SORBS2: variants seen among roughly 807,000 people sequenced by gnomAD.
SORBS2 encodes the protein sorbin and SH3 domain containing 2.
SORBS2 carries 46 observed loss-of-function variants against 97.7 expected under a neutral mutation model. The observed-to-expected ratio is 0.47, with a 90% confidence interval of 0.37 to 0.60. The LOEUF (loss-of-function observed/expected upper bound fraction) is 0.60, where lower values mean the gene tolerates loss of function less well. Among genes scored for constraint, SORBS2 ranks in the 20% least tolerant of loss-of-function variants. The pLI is 0.00. For missense variants in SORBS2, 1,316 were observed against 1,282.3 expected (o/e 1.03, Z -0.40); for synonymous variants, 476 against 473.4 (o/e 1.01, Z -0.07).
intron 1 of SORBS2, among the ~76,000 whole-genome samples, chr4:185,832,586 A>G (rs556968698): frequency 3.9e-5 from 6 of 152,372 alleles, no homozygotes; most frequent in African/African-American, 1.4e-4. Context: ...GTGATAGCTG[A>G]TGAAACAGAA....
At chr4:185,718,070 C>T (rs1379915109) in intron 2 of SORBS2, among the ~76,000 whole-genome samples, 2 of 151,888 alleles carry the variant, frequency 1.3e-5, no homozygotes. Context: ...ATCTCTACTA[C>T]AAATACAAAA....
intron 1 of SORBS2, among the ~76,000 whole-genome samples, chr4:185,892,657 G>A (rs1381102840): frequency 6.6e-6 from 1 of 152,208 alleles, no homozygotes. Context: ...GCATGGTGAA[G>A]TAAGCCAGAC....
chr4:185,950,198 G>C (rs1220588715), intron 1 of SORBS2, among the ~76,000 whole-genome samples: 1 of 151,508 alleles, frequency 6.6e-6, no homozygotes, highest in Non-Finnish European at 1.5e-5. Flanking sequence ...GTTGCAGCGA[G>C]CCGAGATTGT....
chr4:185,653,214 A>T (rs540461195), intron 1 of SORBS2, among the ~76,000 whole-genome samples: 1 of 152,234 alleles, frequency 6.6e-6, no homozygotes, highest in Non-Finnish European at 1.5e-5. Context: ...TAAATTTGCT[A>T]TTTACTAGTC....
At chr4:185,822,966 A>G (rs2099197675) in intron 1 of SORBS2, among the ~76,000 whole-genome samples, 2 of 152,252 alleles carry the variant, frequency 1.3e-5, no homozygotes, top group Non-Finnish European at 2.9e-5. Flanking sequence ...GTCATGCAGG[A>G]AGCTGCCTTT....
intron 1 of SORBS2, among the ~76,000 whole-genome samples, chr4:185,848,179 CT>C (rs1275939920): frequency 6.6e-6 from 1 of 152,116 alleles, no homozygotes; most frequent in Non-Finnish European, 1.5e-5. Flanking sequence ...GCGGTGATGA[CT>C]TTTTCATAAA....
chr4:185,797,974 A>G (rs2099113469), intron 1 of SORBS2, among the ~76,000 whole-genome samples: 1 of 152,184 alleles, frequency 6.6e-6, no homozygotes, highest in African/African-American at 2.4e-5. Context: ...GGCACTTGTG[A>G]TGCTGCGGGA....
At chr4:185,896,892 CAA>C (rs70962602) in intron 1 of SORBS2, among the ~76,000 whole-genome samples, 140 of 109,758 alleles carry the variant, frequency 1.3e-3, no homozygotes, top group East Asian at 1.5e-3. Context: ...TACACATGGC[CAA>C]AAAAAAAAAA....
At chr4:185,763,413 T>C (rs2098915758) in intron 2 of SORBS2, among the ~76,000 whole-genome samples, 1 of 152,162 alleles carries the variant, frequency 6.6e-6, no homozygotes, top group African/African-American at 2.4e-5. Context: ...TCCAATCACC[T>C]GCCCTGGCCC....
chr4:185,677,059 G>A (rs1423980580), intron 4 of SORBS2: 5 of 1,551,450 alleles, frequency 3.2e-6, no homozygotes, highest in Non-Finnish European at 4.4e-6. Context: ...TCTTGCTGAA[G>A]AGGTATCTTT....
intron 1 of SORBS2, among the ~76,000 whole-genome samples, chr4:185,934,183 A>G (rs190740637): frequency 6.6e-6 from 1 of 152,314 alleles, no homozygotes; most frequent in African/African-American, 2.4e-5. Context: ...TAATATAGCA[A>G]TTCGAACACT....
intron 1 of SORBS2, among the ~76,000 whole-genome samples, chr4:185,904,401 A>C (rs2099249514): frequency 6.6e-6 from 1 of 152,206 alleles, no homozygotes; most frequent in Non-Finnish European, 1.5e-5. Flanking sequence ...AAAGCTGGAC[A>C]GAAGAATCAT....
rs1486144326 is a variant in SORBS2 at position 185,714,044 on chromosome 4, A to T, written c.-197-35222T>A. Among the ~76,000 whole-genome samples the T allele has an allele frequency of 2.6e-5, 4 of 152,232 alleles. No individual in the cohort carries two copies. The East Asian group carries it at 5.8e-4, about 22-fold the overall frequency. ...AACAGCTACCCACCTATCCTTAAGT[A>T]TAATGAAAAAATTACTTTCCTGGTG... On this transcript the variant is annotated intron_variant, in intron 2 of 20. Coordinates refer to the SORBS2 transcript ENST00000284776.
chr4:185,714,725 A>T (rs899701301), intron 2 of SORBS2, among the ~76,000 whole-genome samples: 8 of 151,836 alleles, frequency 5.3e-5, no homozygotes, highest in African/African-American at 1.7e-4. Flanking sequence ...GTGCAGGGGA[A>T]CTCTCCTTTA....
chr4:185,609,457 AC>A (rs776493543), intron 12 of SORBS2, among the ~76,000 whole-genome samples: 1 of 152,226 alleles, frequency 6.6e-6, no homozygotes, highest in Non-Finnish European at 1.5e-5. Flanking sequence ...CTGTGCCGTC[AC>A]CACCACAGTC....
intron 12 of SORBS2, among the ~76,000 whole-genome samples, chr4:185,600,226 A>C (rs1359605772): frequency 1.3e-5 from 2 of 152,218 alleles, no homozygotes; most frequent in African/African-American, 4.8e-5. Flanking sequence ...TCCACACCAC[A>C]GGCACCAGCT....
At chr4:185,730,817 G>A (rs1470744575) in intron 2 of SORBS2, among the ~76,000 whole-genome samples, 2 of 152,208 alleles carry the variant, frequency 1.3e-5, no homozygotes, top group African/African-American at 4.8e-5. Flanking sequence ...CAGGTACCTG[G>A]CTGCCTGCTG....
At chr4:185,657,614 T>TG, upstream of SORBS2, 2 of 1,586,488 alleles carry the variant, frequency 1.3e-6, no homozygotes, top group Non-Finnish European at 1.7e-6. Flanking sequence ...GAAAATTTGG[T>TG]AACATGGAAC....
At chr4:185,731,681 T>C (rs2098632401) in intron 2 of SORBS2, among the ~76,000 whole-genome samples, 1 of 90,780 alleles carries the variant, frequency 1.1e-5, no homozygotes, top group African/African-American at 4.4e-5. Flanking sequence ...CCTCCCTCCC[T>C]GCCTCTCTCC....
Sources: gnomAD v4.1 joint callset for allele counts (sites outside exome capture counted in the v4.1 genomes callset) on GRCh38, gnomAD v4.1.1 for gene constraint, MANE v1.5 for transcripts, NCBI Gene and HGNC (gene_info 2026-07-23, HGNC 2026-07-21) for gene names.